The following DOCK2 variants were observed in gnomAD, a reference collection of about 807,000 sequenced individuals.
The protein encoded by DOCK2 is dedicator of cytokinesis 2.
A neutral mutation model predicts 248.9 loss-of-function variants in DOCK2; 87 were observed. That is an observed-to-expected ratio of 0.35 (90% CI 0.29 to 0.42). The LOEUF (loss-of-function observed/expected upper bound fraction) is 0.42. Among genes scored for constraint, DOCK2 ranks in the 10% least tolerant of loss-of-function variants. The pLI is 1.00. For synonymous variants in DOCK2, 805 were observed against 821.6 expected, an observed-to-expected ratio of 0.98 and a Z score of 0.35; for missense variants, 1,747 against 2,300.2, an observed-to-expected ratio of 0.76 and a Z score of 4.92.
chr5:169,981,550 C>T (rs1048820825), intron 27 of DOCK2, among the ~76,000 whole-genome samples: 4 of 152,118 alleles, frequency 2.6e-5, no homozygotes, highest in Admixed American at 1.3e-4. Context: ...GATCTGTGAT[C>T]GGTGACCTTT....
chr5:169,752,793 G>A (rs1026224266), intron 23 of DOCK2, among the ~76,000 whole-genome samples: 12 of 152,126 alleles, frequency 7.9e-5, no homozygotes, highest in African/African-American at 2.2e-4. Flanking sequence ...ACTGCCGGGC[G>A]CCGTGACTCA....
intron 9 of DOCK2, 24 bp downstream of exon 9, chr5:169,689,357 T>TA (rs1277687286): frequency 1.2e-6 from 2 of 1,612,710 alleles, no homozygotes; most frequent in Non-Finnish European, 1.7e-6. Context: ...CTCTTCTCGT[T>TA]ACCGTGCTCC....
rs554479943 is a variant in DOCK2 at position 169,646,231 on chromosome 5, G to T, written c.44-8172G>T. Reference sequence around the variant, plus strand: ...TCCATTGCTTCTTTTTGTCAGGTTTGTCGAAGATCAGGTGGTTGTAGATGC... The same window carrying T: ...TCCATTGCTTCTTTTTGTCAGGTTTTTCGAAGATCAGGTGGTTGTAGATGC... On this transcript the variant is annotated intron_variant, in intron 1 of 51. Transcript: ENST00000520908. 1.2e-3 allele frequency among the ~76,000 whole-genome samples: 186 copies of T among 152,256 alleles called. 1 individual carries two copies. The highest frequency in any genetic ancestry group is 4.1e-3 in the African/African-American group (172 of 41,540).
intron 42 of DOCK2, 100 bp from the exon 43 acceptor site, chr5:170,056,584 A>G: frequency 1.1e-6 from 1 of 918,108 alleles, no homozygotes; most frequent in South Asian, 1.5e-5. Context: ...GCCAGGCCTG[A>G]AGTTTACTGT....
chr5:169,647,170 T>C (rs1757513780), intron 1 of DOCK2, among the ~76,000 whole-genome samples: 1 of 152,216 alleles, frequency 6.6e-6, no homozygotes, highest in South Asian at 2.1e-4. Flanking sequence ...GGCACCTCTG[T>C]AGAATGCAAG....
intron 36 of DOCK2, among the ~76,000 whole-genome samples, chr5:170,037,692 G>T (rs1315531076): frequency 2.0e-5 from 3 of 152,004 alleles, no homozygotes; most frequent in African/African-American, 4.8e-5. Flanking sequence ...CACCATGTTG[G>T]CCAGGCTGGT....
At chr5:169,780,319 GTGTGTGTGTGTGT>G (rs1765634262) in intron 25 of DOCK2, among the ~76,000 whole-genome samples, 1 of 147,490 alleles carries the variant, frequency 6.8e-6, no homozygotes, top group African/African-American at 2.5e-5. Flanking sequence ...GTGTGTGTGT[GTGTGTGTGTGTGT>G]GTGTGTGTTG....
intron 27 of DOCK2, among the ~76,000 whole-genome samples, chr5:169,843,418 A>C (rs898008936): frequency 2.4e-4 from 36 of 152,276 alleles, no homozygotes; most frequent in African/African-American, 7.7e-4. Flanking sequence ...GCTACTCGGG[A>C]GGCTGAGGCA....
chr5:170,075,969 T>G lies in DOCK2; in HGVS notation c.4751T>G (p.Ile1584Ser). 1 of 1,614,100 alleles carries G rather than the reference T, an allele frequency of 6.2e-7. No homozygotes were observed. ...CAGATCCCCTTCTTGGGAGCTGGGA[T>G]TAAGATCCATGAGAAAAGGGTGTCA... ...AWQIPFLGAG[I>S]KIHEKRVSDN... Residue 1584 changes from isoleucine (I) to serine (S), a missense_variant, in exon 47 of 52, where the codon ATT (isoleucine) becomes AGT (serine). Ile to Ser is a moderately radical substitution (Grantham distance 142). Around this residue, in one of 4 missense-constraint regions of DOCK2, gnomAD observed 513 missense variants for 586.1 expected, o/e 0.88. Coordinates refer to ENST00000520908, the MANE Select transcript of DOCK2 (RefSeq NM_004946.3).
chr5:170,004,958 C>G (rs2113806283), intron 30 of DOCK2, among the ~76,000 whole-genome samples: 1 of 143,946 alleles, frequency 6.9e-6, no homozygotes, highest in African/African-American at 2.6e-5. Flanking sequence ...GGGAGATATA[C>G]CTAATGCTAG....
At chr5:169,851,354 G>A (rs1375555722) in intron 27 of DOCK2, among the ~76,000 whole-genome samples, 1 of 152,160 alleles carries the variant, frequency 6.6e-6, no homozygotes, top group Non-Finnish European at 1.5e-5. Context: ...GAGCATAAAA[G>A]AGCATGCTTC....
chr5:170,080,102 CTGCCTCA>C (rs1757974408), intron 49 of DOCK2, 54 bp from the exon 50 acceptor site: 1 of 1,600,208 alleles, frequency 6.2e-7, no homozygotes, highest in Non-Finnish European at 8.5e-7. Flanking sequence ...AGACCCAGAT[CTGCCTCA>C]TGCTAAGCCT....
intron 28 of DOCK2, among the ~76,000 whole-genome samples, chr5:169,985,348 C>CGTGTGTGTGTGTGTGTGTGT (rs5873200): frequency 7.3e-6 from 1 of 136,760 alleles, no homozygotes; most frequent in Non-Finnish European, 1.6e-5. Context: ...CTAATCTGCT[C>CGTGTGTGTGTGTGTGTGTGT]GTGTGTGTGT....
intron 27 of DOCK2, among the ~76,000 whole-genome samples, chr5:169,975,673 A>G (rs1295223794): frequency 6.6e-6 from 1 of 152,244 alleles, no homozygotes; most frequent in Non-Finnish European, 1.5e-5. Flanking sequence ...TATTGAAAAT[A>G]GGGCAGATAC....
intron 27 of DOCK2, among the ~76,000 whole-genome samples, chr5:169,931,670 A>G (rs166324): frequency 0.098 from 14,875 of 152,148 alleles, 785 homozygotes; most frequent in African/African-American, 0.15. Context: ...CTGCTGTGTG[A>G]GATGGTGGTG....
intron 2 of DOCK2, among the ~76,000 whole-genome samples, chr5:169,660,963 G>A (rs1026129020): frequency 7.3e-6 from 1 of 136,454 alleles, no homozygotes; most frequent in African/African-American, 2.7e-5. Flanking sequence ...ATGTTGAAAT[G>A]ACTTTAGTGC....
intron 1 of DOCK2, among the ~76,000 whole-genome samples, chr5:169,644,613 A>G (rs1022646482): frequency 2.0e-5 from 3 of 148,908 alleles, no homozygotes; most frequent in Non-Finnish European, 4.5e-5. Flanking sequence ...CTTTTGTACC[A>G]CGGTACTTTT....
rs4867885 is a variant in DOCK2, at chr5:169,732,895, A to T, written c.2267+14104A>T. 3.3e-3 allele frequency among the ~76,000 whole-genome samples: 503 copies of T among 152,256 alleles called. 27 individuals are homozygous for T. In the East Asian group the frequency reaches 0.08, roughly 24 times the overall value. On this transcript the variant is annotated intron_variant, in intron 22 of 51. Coordinates refer to ENST00000520908, the MANE Select transcript of DOCK2 (RefSeq NM_004946.3). ...TAGAACATTTTGTACCTCCCTTTCT[A>T]ATCTTAATTCTTTTTCTCCCTGTCT...
chr5:169,971,865 C>T (rs1228236761), intron 27 of DOCK2, among the ~76,000 whole-genome samples: 2 of 152,168 alleles, frequency 1.3e-5, no homozygotes, highest in East Asian at 3.9e-4. Context: ...TTCTGCTGTA[C>T]CCAGGCACTT....
Sources: allele counts gnomAD v4.1 joint callset (sites outside exome capture counted in the v4.1 genomes callset), GRCh38; gene constraint gnomAD v4.1.1; regional missense constraint gnomAD v4.1.1; transcripts MANE v1.5; gene names NCBI Gene and HGNC (gene_info 2026-07-23, HGNC 2026-07-21).